IQCF1: variants seen among roughly 807,000 people sequenced by gnomAD.
IQCF1 encodes the protein IQ domain-containing protein F1.
Under a neutral mutation model 12.5 loss-of-function variants are expected in IQCF1, and 9 were observed. That is an observed-to-expected ratio of 0.72 (90% confidence interval 0.43 to 1.26). IQCF1 has a LOEUF of 1.26. Ranked by LOEUF, IQCF1 falls within the 50% of genes most tolerant of loss-of-function variation. The pLI is 0.00. For synonymous variants in IQCF1, 67 were observed against 96.2 expected (o/e 0.70, Z 1.78); for missense variants, 252 against 257.4 (o/e 0.98, Z 0.14).
At chr3:51,901,624 A>G (rs1699076856) in intron 2 of IQCF1, among the ~76,000 whole-genome samples, 1 of 152,214 alleles carries the variant, frequency 6.6e-6, no homozygotes, top group African/African-American at 2.4e-5. Flanking sequence ...AAAATAAGAC[A>G]TCGTAAAGTG....
intron 2 of IQCF1, among the ~76,000 whole-genome samples, chr3:51,901,850 A>T (rs1699078770): frequency 6.6e-6 from 1 of 152,384 alleles, no homozygotes; most frequent in South Asian, 2.1e-4. Context: ...ATGGTGTTAA[A>T]GGAATAGCTG....
In IQCF1 at chr3:51,900,530, C is replaced by G. The variant is rs1699062791; in HGVS notation, c.108+2455G>C. Among the ~76,000 whole-genome samples the G allele has an allele frequency of 6.6e-6, 1 of 152,208 alleles. No individual in the cohort carries two copies. Among genetic ancestry groups the G allele is most frequent in the African/African-American group, 2.4e-5 (1 of 41,448 alleles). ...CTCTACTTCAGAAAAGTACCTCTGT[C>G]CCTCCTGACTCTCCTCAGACTGGGT... On this transcript the variant is annotated intron_variant, in intron 2 of 3. Transcript: ENST00000310914. The surrounding 1 kb of genome is among the most constrained non-coding windows in gnomAD (Gnocchi z 4.2).
In IQCF1 at chr3:51,895,277, G is replaced by A. The variant is rs1453986652; in HGVS notation, c.231C>T (p.Ala77=). Reference sequence around the variant, plus strand: ...GACGCACCAGGGTGCCCCGCCACCAGGCCTGGATCTTGGTGGCTACCGTAT... The same window carrying A: ...GACGCACCAGGGTGCCCCGCCACCAAGCCTGGATCTTGGTGGCTACCGTAT... ...DKDTVATKIQ[A]WWRGTLVRRA... is the part of the protein sequence containing the mutation. The change falls in exon 4 of 4, where the codon GCC becomes GCT. Residue 77 remains alanine, a synonymous_variant. Transcript: ENST00000310914. This position sits in a 1 kb window ranked among gnomAD's most constrained non-coding sequence, Gnocchi z 4.8. 1 of 1,614,200 alleles carries A rather than the reference G, an allele frequency of 6.2e-7. No individual in the cohort carries two copies.
intron 2 of IQCF1, among the ~76,000 whole-genome samples, chr3:51,898,354 T>A (rs1280714367): frequency 6.6e-6 from 1 of 152,166 alleles, no homozygotes; most frequent in Non-Finnish European, 1.5e-5. Context: ...AATTCATAAT[T>A]GAAGGTCTTC....
chr3:51,898,857 A>G (rs111906671), intron 2 of IQCF1, among the ~76,000 whole-genome samples: 42 of 152,370 alleles, frequency 2.8e-4, no homozygotes, highest in Middle Eastern at 6.8e-3. Flanking sequence ...CACAATGGGT[A>G]TTCAGTAAGT....
rs183367281 is a variant in IQCF1, at chr3:51,902,566, A to G, written c.108+419T>C. ...ACCGGCTCCACCCTGACTCATTCCA[A>G]TTACCTGCTCAGTCTCCACCCTGAC... On this transcript the variant is annotated intron_variant, in intron 2 of 3. Coordinates refer to ENST00000310914, the MANE Select transcript of IQCF1 (RefSeq NM_152397.3). 1.5e-3 allele frequency among the ~76,000 whole-genome samples: 233 copies of G among 152,174 alleles called. 1 individual carries two copies. The East Asian group carries it at 0.032, about 21-fold the overall frequency.
chr3:51,901,934 A>G (rs1002815444), intron 2 of IQCF1, among the ~76,000 whole-genome samples: 1 of 152,182 alleles, frequency 6.6e-6, no homozygotes, highest in African/African-American at 2.4e-5. Flanking sequence ...CAGAAAGAGG[A>G]GGAGTTTGCC....
rs563657148 is a variant in IQCF1, at chr3:51,895,116, A to G, written c.392T>C (p.Leu131Pro). Residue 131 changes from leucine to proline, a missense_variant, in exon 4 of 4, where the codon CTG becomes CCG. Physicochemically the swap from Leu to Pro is moderately conservative, Grantham distance 98. Coordinates refer to ENST00000310914, the MANE Select transcript of IQCF1 (RefSeq NM_152397.3). This position sits in a 1 kb window ranked among gnomAD's most constrained non-coding sequence, Gnocchi z 4.8. ...FSRKEWAAVT[L>P]QSQARMWRIR... ...GCGCCACATGCGGGCCTGGGACTGC[A>G]GTGTGACTGCTGCCCACTCCTTCCG... 48 of 1,614,240 alleles carry G rather than the reference A, an allele frequency of 3.0e-5. No individual in the cohort carries two copies. The South Asian group carries it at 5.2e-4, about 17-fold the overall frequency.
At chr3:51,903,191 C>G in intron 1 of IQCF1, 79 bp downstream of exon 1, 1 of 1,595,586 alleles carries the variant, frequency 6.3e-7, no homozygotes, top group Non-Finnish European at 8.6e-7. Flanking sequence ...TTAGAGTCTT[C>G]AGTGTCAGGG....
chr3:51,898,589 C>G lies in IQCF1; in HGVS notation c.109-1695G>C, dbSNP rs371476828. Among the ~76,000 whole-genome samples the G allele has an allele frequency of 6.6e-5, 10 of 152,010 alleles. No homozygotes were observed. The South Asian group carries it at 2.1e-3, about 32-fold the overall frequency. The stretch of plus-strand genomic sequence containing the variant: ...AGAGGAAACCTCACTGTGAACACAC[C>G]TCCTCAGGTCAGAACTATCCTAAGT... On this transcript the variant is annotated intron_variant, in intron 2 of 3. Coordinates refer to ENST00000310914, the MANE Select transcript of IQCF1 (RefSeq NM_152397.3).
chr3:51,895,080 C>T lies in IQCF1; in HGVS notation c.428G>A (p.Arg143His), dbSNP rs114559032. 8.1e-3 allele frequency: 13,141 copies of T among 1,614,236 alleles called. 67 individuals carry two copies. Among genetic ancestry groups the T allele is most frequent in the Non-Finnish European group, 0.01 (11,980 of 1,180,040 alleles). ...SQARMWRIRR[R>H]YCQVLNAVRI... Reference sequence around the variant, plus strand: ...AACAGCATTGAGCACCTGGCAATAGCGTCTGCGGATGCGCCACATGCGGGC... The same window carrying T: ...AACAGCATTGAGCACCTGGCAATAGTGTCTGCGGATGCGCCACATGCGGGC... Residue 143 changes from arginine (R) to histidine (H), a missense_variant, in exon 4 of 4, where the codon CGC becomes CAC. Arg to His is a conservative substitution (Grantham distance 29). Coordinates refer to ENST00000310914, the MANE Select transcript of IQCF1 (RefSeq NM_152397.3). The surrounding 1 kb of genome is among the most constrained non-coding windows in gnomAD (Gnocchi z 4.8).
chr3:51,901,285 C>T (rs189686667), intron 2 of IQCF1, among the ~76,000 whole-genome samples: 17 of 152,310 alleles, frequency 1.1e-4, no homozygotes, highest in Admixed American at 5.9e-4. Flanking sequence ...GTGCCATGCT[C>T]TTTCTCTCTG....
At position 51,895,038 on chromosome 3, in the gene IQCF1, T is replaced by C. The variant is rs1459003580; in HGVS notation, c.470A>G (p.Tyr157Cys). 6.2e-7 allele frequency: 1 copy of C among 1,614,084 alleles called. No individual in the cohort carries two copies. The highest frequency in any genetic ancestry group is 8.5e-7 in the Non-Finnish European group (1 of 1,180,034). ...VLNAVRIIQA[Y>C]WRCRSCASRG... is the part of the protein sequence containing the mutation. ...GGAAGCACAGGAGCGGCACCTCCAGTAAGCCTGGATGATGCGAACAGCATT... is the reference window on the plus strand; with the variant it reads ...GGAAGCACAGGAGCGGCACCTCCAGCAAGCCTGGATGATGCGAACAGCATT... Residue 157 changes from tyrosine (Y) to cysteine (C), a missense_variant, in exon 4 of 4, where the codon TAC (tyrosine) becomes TGC (cysteine). Coordinates refer to ENST00000310914, the MANE Select transcript of IQCF1 (RefSeq NM_152397.3). This position sits in a 1 kb window ranked among gnomAD's most constrained non-coding sequence, Gnocchi z 4.8.
Position 51,903,084 on chromosome 3 carries a change from C to G in IQCF1, c.9G>C (p.Glu3Asp). The change falls in exon 2 of 4, where the codon GAG becomes GAC. Residue 3 changes from glutamate to aspartate, a missense_variant. Coordinates refer to ENST00000310914, the MANE Select transcript of IQCF1 (RefSeq NM_152397.3). Reference sequence around the variant, plus strand: ...GTTCCTTCGTCTTTTGGGGCTGCTTCTCCTCCTGCAATCAGCATTAGGGGA... The same window carrying G: ...GTTCCTTCGTCTTTTGGGGCTGCTTGTCCTCCTGCAATCAGCATTAGGGGA... ME[E>D]KQPQKTKEPS... 6.2e-7 allele frequency: 1 copy of G among 1,614,118 alleles called. No individual in the cohort carries two copies. The highest frequency in any genetic ancestry group is 8.5e-7 in the Non-Finnish European group (1 of 1,179,978).
intron 3 of IQCF1, among the ~76,000 whole-genome samples, chr3:51,896,351 T>C (rs1370550462): frequency 6.6e-6 from 1 of 152,180 alleles, no homozygotes; most frequent in Non-Finnish European, 1.5e-5. Flanking sequence ...CCCACCTTTC[T>C]GGACCAAACC....
intron 2 of IQCF1, among the ~76,000 whole-genome samples, chr3:51,899,026 G>C (rs1340808744): frequency 3.3e-5 from 5 of 152,178 alleles, no homozygotes; most frequent in Admixed American, 3.3e-4. Context: ...TAATAGCAAA[G>C]AATAATTGAA....
chr3:51,899,549 T>G (rs903452670), intron 2 of IQCF1, among the ~76,000 whole-genome samples: 2 of 152,248 alleles, frequency 1.3e-5, no homozygotes, highest in Non-Finnish European at 2.9e-5. Flanking sequence ...AAATTTTTTT[T>G]GTTTTAAAGG....
Position 51,895,092 on chromosome 3 carries a change from C to T in IQCF1, c.416G>A (p.Arg139His), listed in dbSNP as rs769127993. ...CACCTGGCAATAGCGTCTGCGGATG[C>T]GCCACATGCGGGCCTGGGACTGCAG... The part of the protein sequence containing the change: ...VTLQSQARMW[R>H]IRRRYCQVLN... Residue 139 changes from arginine (R) to histidine (H), a missense_variant, in exon 4 of 4, where the codon CGC becomes CAC. Arg to His is a conservative substitution (Grantham distance 29). Coordinates refer to ENST00000310914, the MANE Select transcript of IQCF1 (RefSeq NM_152397.3). This position sits in a 1 kb window ranked among gnomAD's most constrained non-coding sequence, Gnocchi z 4.8. 76 of 1,614,120 alleles carry T rather than the reference C, an allele frequency of 4.7e-5. No individual in the cohort carries two copies. Among genetic ancestry groups the T allele is most frequent in the Non-Finnish European group, 6.2e-5 (73 of 1,180,050 alleles).
Position 51,895,058 on chromosome 3 carries a change from A to G in IQCF1, c.450T>C (p.Ala150=), listed in dbSNP as rs1698983815. 4 of 1,614,240 alleles carry G rather than the reference A, an allele frequency of 2.5e-6. No individual in the cohort carries two copies. The East Asian group carries it at 8.9e-5, about 36-fold the overall frequency. Residue 150 remains alanine (A), a synonymous_variant, in exon 4 of 4, where the codon GCT becomes GCC. Transcript: ENST00000310914. This position sits in a 1 kb window ranked among gnomAD's most constrained non-coding sequence, Gnocchi z 4.8. Reference sequence around the variant, plus strand: ...TCCAGTAAGCCTGGATGATGCGAACAGCATTGAGCACCTGGCAATAGCGTC... The same window carrying G: ...TCCAGTAAGCCTGGATGATGCGAACGGCATTGAGCACCTGGCAATAGCGTC... ...IRRRYCQVLN[A]VRIIQAYWRC...
Sources: gnomAD v4.1 joint callset for allele counts (sites outside exome capture counted in the v4.1 genomes callset) on GRCh38, gnomAD v4.1.1 for gene constraint, Gnocchi (gnomAD v3.1) non-coding constraint, MANE v1.5 for transcripts, NCBI Gene and HGNC (gene_info 2026-07-23, HGNC 2026-07-21) for gene names.